MYL12B: variants seen among roughly 807,000 people sequenced by gnomAD.
The protein encoded by MYL12B is myosin regulatory light chain 12B.
In MYL12B, 3 loss-of-function variants were observed where a neutral mutation model predicts 12.9. The observed-to-expected ratio is 0.23, with a 90% CI of 0.11 to 0.60. The LOEUF (loss-of-function observed/expected upper bound fraction) is 0.60. MYL12B is among the 20% of genes least tolerant of loss of function. MYL12B has a pLI of 0.89. For synonymous variants in MYL12B, 57 were observed against 71.9 expected, an observed-to-expected ratio of 0.79 and a Z score of 1.05; for missense variants, 120 against 215.4, an observed-to-expected ratio of 0.56 and a Z score of 2.77.
Position 3,277,985 on chromosome 18 carries a change from A to G in MYL12B, c.*48A>G. 6.3e-7 allele frequency: 1 copy of G among 1,584,446 alleles called. No individual in the cohort carries two copies. The highest frequency in any genetic ancestry group is 8.6e-7 in the Non-Finnish European group (1 of 1,164,288). On this transcript the variant is annotated 3_prime_UTR_variant, in exon 4 of 4. Coordinates refer to ENST00000237500, the MANE Select transcript of MYL12B (RefSeq NM_033546.4). ...CAGTTACATTGTCTTACTCTCTTTTACTTCTCAGACACTTCCCCCACCCTC... is the reference window on the plus strand; with the variant it reads ...CAGTTACATTGTCTTACTCTCTTTTGCTTCTCAGACACTTCCCCCACCCTC...
intron 2 of MYL12B, chr18:3,276,419 CAG>C: frequency 2.0e-6 from 2 of 984,520 alleles, no homozygotes; most frequent in Non-Finnish European, 2.4e-6. Flanking sequence ...AGGGAAAGGT[CAG>C]GGGAGTTCCC....
intron 1 of MYL12B, among the ~76,000 whole-genome samples, chr18:3,271,699 C>T (rs565438147): frequency 7.2e-5 from 11 of 152,140 alleles, no homozygotes; most frequent in Non-Finnish European, 1.6e-4. Context: ...TTATATGTAG[C>T]TAGTAACGGT....
At position 3,277,384 on chromosome 18, in the gene MYL12B, G is replaced by A; in HGVS notation, c.316G>A (p.Ala106Thr). The change falls in exon 3 of 4, where the codon GCC (alanine) becomes ACC (threonine). Residue 106 changes from alanine (A) to threonine (T), a missense_variant. Ala to Thr is a moderately conservative substitution (Grantham distance 58, BLOSUM62 0). Transcript: ENST00000237500. The part of the protein sequence containing the change: ...GTDPEDVIRN[A>T]FACFDEEATG... ...AGATCCTGAAGATGTCATCAGAAAC[G>A]CCTTTGCTTGCTTTGATGAAGAAGC... The A allele has an allele frequency of 2.5e-6, 4 of 1,614,012 alleles. No individual in the cohort carries two copies. Among genetic ancestry groups the A allele is most frequent in the Non-Finnish European group, 3.4e-6 (4 of 1,179,962 alleles).
At chr18:3,265,676 G>A (rs867544811) in intron 1 of MYL12B, among the ~76,000 whole-genome samples, 1 of 152,098 alleles carries the variant, frequency 6.6e-6, no homozygotes, top group Non-Finnish European at 1.5e-5. Flanking sequence ...ATTTTTGAGT[G>A]GTAGCTTTAT....
intron 1 of MYL12B, 147 bp from the exon 2 acceptor site, chr18:3,272,737 T>G: frequency 2.9e-6 from 2 of 699,244 alleles, no homozygotes; most frequent in Non-Finnish European, 2.2e-6. Flanking sequence ...GAAAATAAAG[T>G]TTAGGTGCAT....
At chr18:3,277,154 T>G (rs1268290403) in intron 2 of MYL12B, 99 bp from the exon 3 acceptor site, 44 of 1,286,980 alleles carry the variant, frequency 3.4e-5, no homozygotes, top group Non-Finnish European at 4.5e-5. Context: ...TTTCAAATGA[T>G]GTACATTTTA....
chr18:3,267,875 C>T (rs773782169), intron 1 of MYL12B, among the ~76,000 whole-genome samples: 2 of 152,192 alleles, frequency 1.3e-5, no homozygotes, highest in African/African-American at 4.8e-5. Context: ...TATAAAATGG[C>T]ATAGTATTTG....
rs1235386437 is a variant in MYL12B at position 3,272,224 on chromosome 18, A to AG, written c.-15-659dup. ...TATCTCAATTAGTTCTTTGCATTGA[A>AG]GTAGATATCATGTTTTACTGATGAA... On this transcript the variant is annotated intron_variant, in intron 1 of 3. Coordinates refer to ENST00000237500, the MANE Select transcript of MYL12B (RefSeq NM_033546.4). 7.4e-6 allele frequency: 7 copies of AG among 942,402 alleles called. No homozygotes were observed. The African/African-American group carries it at 1.1e-4, about 14-fold the overall frequency. 58.4% of individuals were successfully genotyped at this position (942,402 alleles called of 1,614,324 possible).
chr18:3,274,780 T>TTG (rs1261979125), intron 2 of MYL12B, among the ~76,000 whole-genome samples: 13 of 152,252 alleles, frequency 8.5e-5, no homozygotes, highest in African/African-American at 3.1e-4. Flanking sequence ...ACTGTAGAAG[T>TTG]ACGGAGTCTT....
chr18:3,264,268 A>G (rs1400441676), intron 1 of MYL12B, among the ~76,000 whole-genome samples: 1 of 152,220 alleles, frequency 6.6e-6, no homozygotes, highest in East Asian at 1.9e-4. Flanking sequence ...ATGTATATAC[A>G]CTATATACAA....
intron 1 of MYL12B, among the ~76,000 whole-genome samples, chr18:3,270,372 C>T (rs140088187): frequency 9.2e-5 from 14 of 152,212 alleles, no homozygotes; most frequent in African/African-American, 2.9e-4. Flanking sequence ...TATATCTGCT[C>T]TAACATATTT....
intron 2 of MYL12B, among the ~76,000 whole-genome samples, chr18:3,276,218 C>T (rs1237898953): frequency 6.6e-6 from 1 of 150,532 alleles, no homozygotes; most frequent in Non-Finnish European, 1.5e-5. Flanking sequence ...CAGCACTGAA[C>T]GAAGGATCTG....
intron 3 of MYL12B, 87 bp from the exon 4 acceptor site, chr18:3,277,678 T>C (rs373625506): frequency 9.7e-6 from 14 of 1,449,596 alleles, no homozygotes; most frequent in African/African-American, 5.7e-5. Context: ...TTCTGAAATA[T>C]TTTATACGAT....
Position 3,272,791 on chromosome 18 carries a change from T to C in MYL12B, c.-15-93T>C, listed in dbSNP as rs2081691529. 27 of 1,149,062 alleles carry C rather than the reference T, an allele frequency of 2.3e-5. No individual in the cohort carries two copies. The South Asian group carries it at 5.9e-4, about 25-fold the overall frequency. 71.2% of individuals were successfully genotyped at this position (1,149,062 alleles called of 1,614,324 possible). A position where few individuals can be genotyped will look rare whatever the true frequency, so the allele number is the denominator to read the frequency against. ...GAAGTAATAATTCCTTATTGATATT[T>C]TTACCTACAGACTTTAGGTATTATG... On this transcript the variant is annotated intron_variant, in intron 1 of 3. Coordinates refer to ENST00000237500, the MANE Select transcript of MYL12B (RefSeq NM_033546.4).
intron 1 of MYL12B, among the ~76,000 whole-genome samples, chr18:3,263,587 AG>A (rs1337043675): frequency 6.6e-6 from 1 of 152,268 alleles, no homozygotes; most frequent in African/African-American, 2.4e-5. Flanking sequence ...ACAGATGTCC[AG>A]ACAAGAGTTG....
At chr18:3,275,676 G>GC (rs2081724155) in intron 2 of MYL12B, among the ~76,000 whole-genome samples, 1 of 152,140 alleles carries the variant, frequency 6.6e-6, no homozygotes, top group African/African-American at 2.4e-5. Context: ...GATGTCTTGA[G>GC]CGGGTCCATA....
At chr18:3,276,657 TACC>T in intron 2 of MYL12B, 4 of 682,842 alleles carry the variant, frequency 5.9e-6, no homozygotes, top group Non-Finnish European at 7.2e-6. Flanking sequence ...TGGGCATCTG[TACC>T]ACAACTGGAA....
intron 1 of MYL12B, among the ~76,000 whole-genome samples, chr18:3,271,571 T>A (rs1299951726): frequency 6.6e-6 from 1 of 152,174 alleles, no homozygotes; most frequent in Non-Finnish European, 1.5e-5. Context: ...AGACCATCAT[T>A]TCTGACAGCA....
intron 1 of MYL12B, among the ~76,000 whole-genome samples, chr18:3,271,159 G>A (rs1345080792): frequency 1.3e-5 from 2 of 152,180 alleles, no homozygotes; most frequent in Non-Finnish European, 2.9e-5. Flanking sequence ...GTTTTGGTAT[G>A]TGAAGAAGAA....
Sources: allele counts gnomAD v4.1 joint callset (sites outside exome capture counted in the v4.1 genomes callset), GRCh38; gene constraint gnomAD v4.1.1; transcripts MANE v1.5; gene names NCBI Gene and HGNC (gene_info 2026-07-23, HGNC 2026-07-21).